The following MYO1D variants were observed in gnomAD, a reference collection of about 807,000 sequenced individuals.
The protein encoded by MYO1D is unconventional myosin-Id.
MYO1D carries 83 observed loss-of-function variants against 122.0 expected under a neutral mutation model. That is an observed-to-expected ratio of 0.68 (90% CI 0.57 to 0.82). The LOEUF is 0.82. Ranked by LOEUF, MYO1D falls within the 40% of genes least tolerant of loss-of-function variation. The pLI is 0.00. For missense variants in MYO1D, 1,157 were observed against 1,269.5 expected (o/e 0.91, Z 1.35); for synonymous variants, 464 against 446.9 (o/e 1.04, Z -0.48).
At chr17:32,574,822 A>C (rs2087264219) in intron 21 of MYO1D, among the ~76,000 whole-genome samples, 1 of 152,224 alleles carries the variant, frequency 6.6e-6, no homozygotes, top group African/African-American at 2.4e-5. Flanking sequence ...AGTGGTTTGC[A>C]GGGATCATGA....
At chr17:32,678,422 CCA>C (rs1338340810) in intron 16 of MYO1D, among the ~76,000 whole-genome samples, 1 of 141,284 alleles carries the variant, frequency 7.1e-6, no homozygotes, top group African/African-American at 2.7e-5. Context: ...CCCCACTCCA[CCA>C]CAGTCCCCAG....
At chr17:32,854,681 A>C (rs1467066437) in intron 1 of MYO1D, among the ~76,000 whole-genome samples, 1 of 152,236 alleles carries the variant, frequency 6.6e-6, no homozygotes, top group Non-Finnish European at 1.5e-5. Context: ...TATGGAAGTA[A>C]AAACATCCCA....
At chr17:32,665,280 C>T (rs560670306) in intron 16 of MYO1D, among the ~76,000 whole-genome samples, 4 of 152,166 alleles carry the variant, frequency 2.6e-5, no homozygotes, top group South Asian at 2.1e-4. Flanking sequence ...GCACTCAATC[C>T]CTTCCAACAT....
intron 21 of MYO1D, among the ~76,000 whole-genome samples, chr17:32,513,676 C>T (rs775245875): frequency 1.3e-5 from 2 of 152,164 alleles, no homozygotes; most frequent in African/African-American, 2.4e-5. Flanking sequence ...TCAGCACTTA[C>T]AATATTACAG....
intron 12 of MYO1D, among the ~76,000 whole-genome samples, chr17:32,745,910 TC>T (rs71893790): frequency 0.041 from 6,199 of 152,220 alleles, 420 homozygotes; most frequent in African/African-American, 0.14. Context: ...ATTGTACTAC[TC>T]CCAGTGACTG....
At position 32,760,201 on chromosome 17, in the gene MYO1D, CAAA is replaced by C. The variant is rs2089985116; in HGVS notation, c.1296+86_1296+88del. 10 of 1,125,710 alleles carry C rather than the reference CAAA, an allele frequency of 8.9e-6. No homozygotes were observed. In the Admixed American group the frequency reaches 1.8e-4, roughly 20 times the overall value. The allele number at this position is 1,125,710 out of a possible 1,614,324, so 69.7% of individuals were successfully genotyped here. On this transcript the variant is annotated intron_variant, in intron 10 of 21. Transcript: ENST00000318217. ...AAGGTTCAGATGTTTCAAATACCCC[CAAA>C]AGATCAAGAAATACCTAAAATAAAA...
chr17:32,876,723 C>G, intron 1 of MYO1D, 55 bp downstream of exon 1: 1 of 1,409,154 alleles, frequency 7.1e-7, no homozygotes, highest in Admixed American at 2.7e-5. Context: ...CCCGAGGCGC[C>G]CCCTCTCGGG....
intron 19 of MYO1D, among the ~76,000 whole-genome samples, chr17:32,650,477 A>G (rs1294511511): frequency 6.6e-6 from 1 of 152,176 alleles, no homozygotes; most frequent in African/African-American, 2.4e-5. Context: ...ATTTTAAAAA[A>G]TATTATTTAT....
chr17:32,874,716 A>G (rs114847255), intron 1 of MYO1D, among the ~76,000 whole-genome samples: 6,878 of 152,202 alleles, frequency 0.045, 495 homozygotes, highest in African/African-American at 0.15. Context: ...TGAGGCCAGG[A>G]ATTCAAGAAC....
At chr17:32,832,486 C>T (rs990129182) in intron 1 of MYO1D, among the ~76,000 whole-genome samples, 1 of 151,886 alleles carries the variant, frequency 6.6e-6, no homozygotes, top group African/African-American at 2.4e-5. Context: ...TTTTAGTAGA[C>T]ACGGAGTTTC....
At chr17:32,756,760 T>C (rs1189910816) in intron 10 of MYO1D, among the ~76,000 whole-genome samples, 1 of 152,120 alleles carries the variant, frequency 6.6e-6, no homozygotes, top group East Asian at 1.9e-4. Flanking sequence ...TTCTGAGAAA[T>C]AAATATCTAT....
At chr17:32,869,904 G>A (rs1022050791) in intron 1 of MYO1D, among the ~76,000 whole-genome samples, 2 of 152,080 alleles carry the variant, frequency 1.3e-5, no homozygotes, top group South Asian at 2.1e-4. Flanking sequence ...TTGCACTCCA[G>A]CCTGGGTGAC....
chr17:32,864,794 G>A (rs931157013), intron 1 of MYO1D, among the ~76,000 whole-genome samples: 4 of 152,118 alleles, frequency 2.6e-5, no homozygotes, highest in Non-Finnish European at 5.9e-5. Context: ...GCATTTATTT[G>A]TTTATTCCGT....
At chr17:32,607,929 C>T (rs184857242) in intron 20 of MYO1D, among the ~76,000 whole-genome samples, 1 of 152,122 alleles carries the variant, frequency 6.6e-6, no homozygotes, top group African/African-American at 2.4e-5. Context: ...AACATTTGGA[C>T]ACCCCCATGC....
At chr17:32,624,353 G>A (rs1015926618) in intron 20 of MYO1D, among the ~76,000 whole-genome samples, 1 of 151,676 alleles carries the variant, frequency 6.6e-6, no homozygotes, top group Non-Finnish European at 1.5e-5. Context: ...CGCCCGGCCG[G>A]CCTGGGGAGC....
At chr17:32,698,381 C>T (rs1181049352) in intron 16 of MYO1D, among the ~76,000 whole-genome samples, 1 of 133,716 alleles carries the variant, frequency 7.5e-6, no homozygotes, top group Non-Finnish European at 1.6e-5. Flanking sequence ...CCCCTTCCCT[C>T]CTTCCTTCTT....
At chr17:32,797,398 T>C (rs1424480614) in intron 1 of MYO1D, among the ~76,000 whole-genome samples, 2 of 152,214 alleles carry the variant, frequency 1.3e-5, no homozygotes, top group Non-Finnish European at 2.9e-5. Context: ...TAGGCAGCTT[T>C]TGGGCACAGG....
intron 16 of MYO1D, 106 bp from the exon 17 acceptor site, chr17:32,659,444 G>T (rs1284440593): frequency 4.4e-6 from 5 of 1,143,470 alleles, no homozygotes; most frequent in Non-Finnish European, 6.3e-6. Context: ...CAGGCAACTT[G>T]CAAGTGTGCA....
intron 16 of MYO1D, among the ~76,000 whole-genome samples, chr17:32,661,041 G>A (rs1174716837): frequency 6.6e-6 from 1 of 152,028 alleles, no homozygotes; most frequent in Non-Finnish European, 1.5e-5. Flanking sequence ...GTTTTATAGA[G>A]CTTCCTATTA....
Sources: allele counts gnomAD v4.1 joint callset (sites outside exome capture counted in the v4.1 genomes callset), GRCh38; gene constraint gnomAD v4.1.1; transcripts MANE v1.5; gene names NCBI Gene and HGNC (gene_info 2026-07-23, HGNC 2026-07-21).